Variants in ZFHX3 observed in about 807,000 individuals in gnomAD.
The protein encoded by ZFHX3 is zinc finger homeobox protein 3.
A neutral mutation model predicts 279.1 loss-of-function variants in ZFHX3; 42 were observed. The ratio of observed to expected loss-of-function variants is 0.15; its 90% CI spans 0.12 to 0.19. The LOEUF (loss-of-function observed/expected upper bound fraction) is 0.19. ZFHX3 is among the 10% of genes least tolerant of loss of function. The probability of loss-of-function intolerance (pLI) is 1.00; values close to 1 mark genes in which losing one functional copy is unlikely to be tolerated. For synonymous variants in ZFHX3, 2,293 were observed against 1,957.8 expected (o/e 1.17, Z -4.52); for missense variants, 4,981 against 4,754.0 (o/e 1.05, Z -1.40).
At chr16:73,854,172 T>C (rs928291614) in intron 1 of ZFHX3, among the ~76,000 whole-genome samples, 1 of 152,212 alleles carries the variant, frequency 6.6e-6, no homozygotes, top group Non-Finnish European at 1.5e-5. Flanking sequence ...ACTTATAAAC[T>C]TGTTGGAATG....
chr16:73,728,992 G>A (rs1172013624), intron 1 of ZFHX3, among the ~76,000 whole-genome samples: 3 of 152,072 alleles, frequency 2.0e-5, no homozygotes, highest in Admixed American at 1.3e-4. Flanking sequence ...CTCAGCTGAG[G>A]CAGTGTGTTC....
chr16:73,551,166 G>C (rs933741417), intron 2 of ZFHX3, among the ~76,000 whole-genome samples: 1 of 152,088 alleles, frequency 6.6e-6, no homozygotes, highest in Non-Finnish European at 1.5e-5. Context: ...GTATTAAAAC[G>C]CTTTTATCCT....
chr16:73,050,997 GTC>G (rs1207489137), upstream of ZFHX3, among the ~76,000 whole-genome samples: 2 of 152,116 alleles, frequency 1.3e-5, no homozygotes, highest in Non-Finnish European at 2.9e-5. Flanking sequence ...AAACCTGCTT[GTC>G]TCTCTCTTTC....
At chr16:73,055,698 G>GCACACACACACACACACA (rs71156135) in intron 1 of ZFHX3, among the ~76,000 whole-genome samples, 1 of 109,492 alleles carries the variant, frequency 9.1e-6, no homozygotes, top group Non-Finnish European at 2.3e-5. Flanking sequence ...GCGCGCGCGC[G>GCACACACACACACACACA]CACACACACA....
chr16:73,243,934 T>C (rs2013202904), intron 5 of ZFHX3, among the ~76,000 whole-genome samples: 2 of 152,230 alleles, frequency 1.3e-5, no homozygotes, highest in Non-Finnish European at 2.9e-5. Context: ...TCAGAGATGG[T>C]AGAGAATGCC....
At chr16:73,701,827 A>G (rs1365026461) in intron 1 of ZFHX3, among the ~76,000 whole-genome samples, 1 of 152,158 alleles carries the variant, frequency 6.6e-6, no homozygotes, top group East Asian at 1.9e-4. Flanking sequence ...TTATTATTCA[A>G]AAGATAATGT....
At chr16:73,307,635 C>T (rs183297034) in intron 4 of ZFHX3, among the ~76,000 whole-genome samples, 8 of 152,274 alleles carry the variant, frequency 5.3e-5, no homozygotes, top group Admixed American at 2.0e-4. Context: ...AGGAACCCAG[C>T]GAGGAGATCT....
chr16:73,101,424 G>A (rs569416083), intron 7 of ZFHX3, among the ~76,000 whole-genome samples: 5 of 152,264 alleles, frequency 3.3e-5, no homozygotes, highest in Admixed American at 3.3e-4. Flanking sequence ...TGTCACCTAG[G>A]CTGGAGTGCA....
At chr16:73,538,911 C>A (rs2019958565) in intron 2 of ZFHX3, among the ~76,000 whole-genome samples, 1 of 152,104 alleles carries the variant, frequency 6.6e-6, no homozygotes, top group African/African-American at 2.4e-5. Context: ...AGTGGACTAA[C>A]CTAAAAGCAT....
intron 2 of ZFHX3, among the ~76,000 whole-genome samples, chr16:73,518,764 A>G (rs1207753922): frequency 6.6e-6 from 1 of 152,218 alleles, no homozygotes; most frequent in Non-Finnish European, 1.5e-5. Flanking sequence ...GTTCTGCCGT[A>G]TTGCCTGCAT....
intron 5 of ZFHX3, among the ~76,000 whole-genome samples, chr16:73,156,906 C>G (rs1240646882): frequency 6.6e-6 from 1 of 152,134 alleles, no homozygotes; most frequent in African/African-American, 2.4e-5. Flanking sequence ...CAGAGATGGG[C>G]TTTCACCATG....
At chr16:73,876,210 T>A (rs973305303) in intron 1 of ZFHX3, among the ~76,000 whole-genome samples, 9 of 152,196 alleles carry the variant, frequency 5.9e-5, no homozygotes, top group Admixed American at 2.0e-4. Context: ...ATCAGGTTTA[T>A]GTTTCTGGAA....
chr16:72,974,301 G>A (rs1048914927), intron 1 of ZFHX3, among the ~76,000 whole-genome samples: 6 of 152,204 alleles, frequency 3.9e-5, no homozygotes, highest in African/African-American at 4.8e-5. Flanking sequence ...ACAGAGGTAC[G>A]TCCTCGCAAT....
chr16:73,740,695 C>T (rs774011716), intron 1 of ZFHX3, among the ~76,000 whole-genome samples: 3 of 152,192 alleles, frequency 2.0e-5, no homozygotes, highest in Non-Finnish European at 4.4e-5. Flanking sequence ...ATTGCTGTTG[C>T]TCTTCTCTTG....
At chr16:73,177,438 G>A (rs1428158767) in intron 5 of ZFHX3, among the ~76,000 whole-genome samples, 1 of 152,158 alleles carries the variant, frequency 6.6e-6, no homozygotes, top group Non-Finnish European at 1.5e-5. Flanking sequence ...TCGTCATAAT[G>A]GCACCTTACA....
intron 5 of ZFHX3, among the ~76,000 whole-genome samples, chr16:73,253,026 C>T (rs1307879943): frequency 6.6e-6 from 1 of 152,192 alleles, no homozygotes; most frequent in Non-Finnish European, 1.5e-5. Flanking sequence ...CCTTTGGATT[C>T]ACCCAGCATT....
intron 3 of ZFHX3, among the ~76,000 whole-genome samples, chr16:72,937,996 T>C (rs995245025): frequency 2.6e-5 from 4 of 152,248 alleles, no homozygotes; most frequent in Non-Finnish European, 4.4e-5. Flanking sequence ...TGATGTCTAC[T>C]TGTGCTGCAT....
At chr16:72,840,266 T>C (rs2037312340) in intron 4 of ZFHX3, among the ~76,000 whole-genome samples, 1 of 152,174 alleles carries the variant, frequency 6.6e-6, no homozygotes, top group South Asian at 2.1e-4. Context: ...ATGAACAGGA[T>C]GTACCAGAAC....
intron 1 of ZFHX3, among the ~76,000 whole-genome samples, chr16:73,721,936 T>C (rs113013732): frequency 0.019 from 2,828 of 152,248 alleles, 34 homozygotes; most frequent in Non-Finnish European, 0.03. Context: ...TCCCAGCTAC[T>C]CGGGAGACTG....
Sources: gnomAD v4.1 joint callset for allele counts (sites outside exome capture counted in the v4.1 genomes callset) on GRCh38, gnomAD v4.1.1 for gene constraint, MANE v1.5 for transcripts, NCBI Gene and HGNC (gene_info 2026-07-23, HGNC 2026-07-21) for gene names.